TGFBRAP1: variants seen among roughly 807,000 people sequenced by gnomAD.
TGFBRAP1 encodes the protein transforming growth factor beta receptor associated protein 1.
TGFBRAP1 carries 20 observed loss-of-function variants against 83.2 expected under a neutral mutation model. The observed-to-expected ratio is 0.24, with a 90% CI of 0.17 to 0.35. TGFBRAP1 has a LOEUF of 0.35. Ranked by LOEUF, TGFBRAP1 falls within the 10% of genes least tolerant of loss-of-function variation. The pLI is 1.00. For synonymous variants in TGFBRAP1, 415 were observed against 459.8 expected, an observed-to-expected ratio of 0.90 and a Z score of 1.25; for missense variants, 950 against 1,099.4, an observed-to-expected ratio of 0.86 and a Z score of 1.92.
At chr2:105,316,545 G>GCCTGTAAT (rs903413927) in intron 1 of TGFBRAP1, among the ~76,000 whole-genome samples, 5 of 151,550 alleles carry the variant, frequency 3.3e-5, no homozygotes, top group African/African-American at 1.2e-4. Flanking sequence ...AGTGGCTCAT[G>GCCTGTAAT]CCTGTAATCC....
At chr2:105,250,047 C>G in the TGFBRAP1 span, among the ~76,000 whole-genome samples, 1 of 152,260 alleles carries the variant, frequency 6.6e-6, no homozygotes, top group Admixed American at 6.5e-5. Context: ...GCTCTCTTGC[C>G]CCTTCATCTG....
At chr2:105,288,767 G>C (rs1165263381) in intron 4 of TGFBRAP1, among the ~76,000 whole-genome samples, 2 of 152,122 alleles carry the variant, frequency 1.3e-5, no homozygotes, top group Non-Finnish European at 2.9e-5. Flanking sequence ...TGAGGACCAT[G>C]GCATTCTCCT....
chr2:105,259,206 G>T, the TGFBRAP1 span, among the ~76,000 whole-genome samples: 1 of 152,182 alleles, frequency 6.6e-6, no homozygotes, highest in Admixed American at 6.6e-5. Flanking sequence ...ACAGCATCAA[G>T]ACACCACAGC....
chr2:105,316,549 G>A (rs1347914581), intron 1 of TGFBRAP1, among the ~76,000 whole-genome samples: 1 of 151,252 alleles, frequency 6.6e-6, no homozygotes, highest in Non-Finnish European at 1.5e-5. Context: ...GCTCATGCCT[G>A]TAATCCTGTA....
intron 4 of TGFBRAP1, among the ~76,000 whole-genome samples, chr2:105,295,164 AGGTCCT>A (rs1010524899): frequency 4.6e-5 from 7 of 152,248 alleles, no homozygotes; most frequent in African/African-American, 1.4e-4. Flanking sequence ...TGTAGAAAAG[AGGTCCT>A]GCTCACCTTC....
rs765475628 is a variant in TGFBRAP1 at position 105,308,294 on chromosome 2, C to T, written c.8G>A (p.Ser3Asn). Reference protein sequence around the residue: MMSIKAFTLVSAV... With the variant: MMNIKAFTLVSAV... Reference sequence around the variant, plus strand: ...AGAGACAAGCGTAAAGGCTTTGATGCTCATCATGTCTACTGGCTGATCTGC... The same window carrying T: ...AGAGACAAGCGTAAAGGCTTTGATGTTCATCATGTCTACTGGCTGATCTGC... Residue 3 changes from serine (S) to asparagine (N), a missense_variant, in exon 2 of 12, where the codon AGC becomes AAC. Physicochemically the swap from Ser to Asn is conservative, Grantham distance 46. Coordinates refer to ENST00000393359, the MANE Select transcript of TGFBRAP1 (RefSeq NM_004257.6). 3.1e-6 allele frequency: 5 copies of T among 1,605,386 alleles called. No individual in the cohort carries two copies. In the Admixed American group the frequency reaches 5.0e-5, roughly 16 times the overall value.
At position 105,307,775 on chromosome 2, in the gene TGFBRAP1, T is replaced by C. The variant is rs1490685583; in HGVS notation, c.527A>G (p.Asp176Gly). ...TAEQPLAVAV[D>G]GHFLCLALTT... Reference sequence around the variant, plus strand: ...CAGAGCCAGACACAGGAAGTGGCCGTCCACAGCCACAGCGAGGGGCTGCTC... The same window carrying C: ...CAGAGCCAGACACAGGAAGTGGCCGCCCACAGCCACAGCGAGGGGCTGCTC... Residue 176 changes from aspartate (D) to glycine (G), a missense_variant, in exon 2 of 12, where the codon GAC (aspartate) becomes GGC (glycine). Coordinates refer to ENST00000393359, the MANE Select transcript of TGFBRAP1 (RefSeq NM_004257.6). The C allele has an allele frequency of 1.2e-6, 2 of 1,613,986 alleles. No individual in the cohort carries two copies. Among genetic ancestry groups the C allele is most frequent in the Non-Finnish European group, 1.7e-6 (2 of 1,180,024 alleles).
downstream of TGFBRAP1, among the ~76,000 whole-genome samples, chr2:105,263,778 C>T (rs559200921): frequency 2.2e-4 from 33 of 152,114 alleles, no homozygotes; most frequent in South Asian, 2.5e-3. Context: ...CCCAGCTACT[C>T]GGGAGGCTGA....
rs927948785 is a variant in TGFBRAP1 at position 105,301,881 on chromosome 2, C to T, written c.689-3176G>A. Reference sequence around the variant, plus strand: ...AGCTTCCTGTGGCTGGGACCACAAGCACATGCCACCACACCTGGTGAGATC... The same window carrying T: ...AGCTTCCTGTGGCTGGGACCACAAGTACATGCCACCACACCTGGTGAGATC... On this transcript the variant is annotated intron_variant, in intron 2 of 11. Coordinates refer to ENST00000393359, the MANE Select transcript of TGFBRAP1 (RefSeq NM_004257.6). 1.1e-4 allele frequency among the ~76,000 whole-genome samples: 16 copies of T among 152,040 alleles called. 1 individual carries two copies. In the South Asian group the frequency reaches 3.1e-3, roughly 30 times the overall value.
downstream of TGFBRAP1, among the ~76,000 whole-genome samples, chr2:105,264,045 T>A (rs1263260103): frequency 1.3e-5 from 2 of 152,210 alleles, no homozygotes; most frequent in East Asian, 3.8e-4. Flanking sequence ...GTGTAGGGGA[T>A]GAAGCAAAAT....
chr2:105,322,120 G>C (rs1679085009), intron 1 of TGFBRAP1, among the ~76,000 whole-genome samples: 1 of 152,004 alleles, frequency 6.6e-6, no homozygotes, highest in South Asian at 2.1e-4. Context: ...TCCTGACCCT[G>C]TGCAGGCCAA....
intron 1 of TGFBRAP1, among the ~76,000 whole-genome samples, chr2:105,320,675 T>C (rs1018457196): frequency 4.6e-5 from 7 of 152,228 alleles, no homozygotes; most frequent in Admixed American, 3.3e-4. Context: ...AGAAAAATTA[T>C]AGCTATTAAC....
intron 1 of TGFBRAP1, among the ~76,000 whole-genome samples, chr2:105,308,717 C>T (rs1678603079): frequency 6.6e-6 from 1 of 152,034 alleles, no homozygotes; most frequent in Non-Finnish European, 1.5e-5. Context: ...GATGGCTTGA[C>T]CCCAGGAGCT....
At chr2:105,292,926 AGAG>A (rs1304010751) in intron 4 of TGFBRAP1, among the ~76,000 whole-genome samples, 9 of 152,210 alleles carry the variant, frequency 5.9e-5, no homozygotes, top group Admixed American at 5.9e-4. Flanking sequence ...AGAACCACAC[AGAG>A]GAGAACTATC....
rs376000889 is a variant in TGFBRAP1 at position 105,272,902 on chromosome 2, C to T, written c.1925G>A (p.Arg642Gln). 18 of 1,610,218 alleles carry T rather than the reference C, an allele frequency of 1.1e-5. No homozygotes were observed. In the African/African-American group the frequency reaches 1.5e-4, roughly 13 times the overall value. Residue 642 changes from arginine (R) to glutamine (Q), a missense_variant, in exon 10 of 12, where the codon CGG becomes CAG. Physicochemically the swap from Arg to Gln is conservative, Grantham distance 43. Coordinates refer to ENST00000393359, the MANE Select transcript of TGFBRAP1 (RefSeq NM_004257.6). ...TAAATCAGATTTCTGGAGCAGCCGC[C>T]GCAGCTTGGCCTGCGTCTCGGTGGC... Reference protein sequence around the residue: ...AEATETQAKLRRLLQKSDLYR... With the variant: ...AEATETQAKLQRLLQKSDLYR...
At chr2:105,281,352 G>C (rs1677531260) in intron 5 of TGFBRAP1, among the ~76,000 whole-genome samples, 1 of 152,152 alleles carries the variant, frequency 6.6e-6, no homozygotes, top group Admixed American at 6.5e-5. Context: ...ATCAGAGCAG[G>C]AGCTGTGGAT....
chr2:105,290,892 A>T (rs1677888134), intron 4 of TGFBRAP1, among the ~76,000 whole-genome samples: 1 of 151,878 alleles, frequency 6.6e-6, no homozygotes, highest in South Asian at 2.1e-4. Flanking sequence ...TGTAATCCCA[A>T]CTACTCGGGA....
chr2:105,253,014 A>G, the TGFBRAP1 span, among the ~76,000 whole-genome samples: 8 of 152,152 alleles, frequency 5.3e-5, no homozygotes, highest in Admixed American at 4.6e-4. Context: ...TCAGCCTCCC[A>G]AAGAGCTGGG....
intron 1 of TGFBRAP1, among the ~76,000 whole-genome samples, chr2:105,313,248 A>G (rs1034161943): frequency 2.0e-5 from 3 of 152,234 alleles, no homozygotes; most frequent in Non-Finnish European, 4.4e-5. Context: ...TATATTACCC[A>G]TAAGTTTCAA....
Sources: gnomAD v4.1 joint callset for allele counts (sites outside exome capture counted in the v4.1 genomes callset) on GRCh38, gnomAD v4.1.1 for gene constraint, MANE v1.5 for transcripts, NCBI Gene and HGNC (gene_info 2026-07-23, HGNC 2026-07-21) for gene names.